TG: variants seen among roughly 807,000 people sequenced by gnomAD.
TG encodes the protein thyroid hormones.
Under a neutral mutation model 324.7 loss-of-function variants are expected in TG, and 270 were observed. The ratio of observed to expected loss-of-function variants is 0.83; its 90% CI spans 0.75 to 0.92. The LOEUF (loss-of-function observed/expected upper bound fraction) is 0.92. TG is among the 40% of genes least tolerant of loss of function. The pLI is 0.00. For synonymous variants in TG, 1,401 were observed against 1,327.0 expected (o/e 1.06, Z -1.21); for missense variants, 3,591 against 3,456.4 (o/e 1.04, Z -0.98).
At position 132,939,676 on chromosome 8, in the gene TG, GT is replaced by G. The variant is rs796871552; in HGVS notation, c.5042-1672del. On this transcript the variant is annotated intron_variant, in intron 25 of 47. Transcript: ENST00000220616. The stretch of plus-strand genomic sequence containing the variant: ...ATAGTCTATGGGGTTTTTTTTTTTT[GT>G]TTGTTTGTTTGTTTTTTAAGATGGA... Among the ~76,000 whole-genome samples the G allele has an allele frequency of 7.7e-4, 113 of 147,572 alleles. 2 individuals carry two copies. Among genetic ancestry groups the G allele is most frequent in the African/African-American group, 2.8e-3 (111 of 39,878 alleles).
At chr8:133,022,503 A>C (rs1265882539) in intron 40 of TG, among the ~76,000 whole-genome samples, 1 of 152,196 alleles carries the variant, frequency 6.6e-6, no homozygotes, top group East Asian at 1.9e-4. Flanking sequence ...CAGCAGGGCC[A>C]AGAATTGACT....
rs763257831 is a variant in TG at position 132,886,470 on chromosome 8, C to T, written c.1098C>T (p.Ser366=). ...CAGCTGAAGGCCAATCTTGTGCCTCCGAAAGGCAGCAGGCCTTGTCCAGAC... is the reference window on the plus strand; with the variant it reads ...CAGCTGAAGGCCAATCTTGTGCCTCTGAAAGGCAGCAGGCCTTGTCCAGAC... ...PSCAEGQSCA[S]ERQQALSRLY... is the part of the protein sequence containing the mutation. Residue 366 remains serine (S), a synonymous_variant, in exon 9 of 48, where the codon TCC becomes TCT. Transcript: ENST00000220616. 36 of 1,614,032 alleles carry T rather than the reference C, an allele frequency of 2.2e-5. No homozygotes were observed. The highest frequency in any genetic ancestry group is 6.7e-5 in the East Asian group (3 of 44,888).
chr8:133,050,620 G>GA, intron 41 of TG: 1 of 527,966 alleles, frequency 1.9e-6, no homozygotes, highest in Non-Finnish European at 3.4e-6. Context: ...CTACCAGGCA[G>GA]TGGGGAGCTA....
intron 35 of TG, among the ~76,000 whole-genome samples, chr8:132,997,309 A>G (rs1366468770): frequency 2.0e-5 from 3 of 152,182 alleles, no homozygotes; most frequent in African/African-American, 7.2e-5. Flanking sequence ...AGTTTTCAAC[A>G]TCCTGAGCTT....
chr8:133,060,065 A>T, intron 41 of TG: 1 of 1,548,776 alleles, frequency 6.5e-7, no homozygotes, highest in Non-Finnish European at 8.7e-7. Flanking sequence ...CTTGTAGCAC[A>T]GACTCAAGCA....
chr8:133,003,605 A>G (rs1833758715), intron 35 of TG, among the ~76,000 whole-genome samples: 1 of 152,170 alleles, frequency 6.6e-6, no homozygotes, highest in Non-Finnish European at 1.5e-5. Context: ...TTAAAAATAA[A>G]AATTAAGCTT....
At chr8:132,984,260 T>G (rs990877730) in intron 35 of TG, among the ~76,000 whole-genome samples, 1 of 152,224 alleles carries the variant, frequency 6.6e-6, no homozygotes, top group African/African-American at 2.4e-5. Flanking sequence ...ATATAGCTCA[T>G]GTAGGAGGAA....
intron 43 of TG, among the ~76,000 whole-genome samples, chr8:133,102,025 A>G (rs536444927): frequency 2.0e-4 from 31 of 152,348 alleles, no homozygotes; most frequent in African/African-American, 7.0e-4. Context: ...ATATCCTCAT[A>G]AAGATGTTCA....
At chr8:133,081,404 G>T (rs766659564) in intron 41 of TG, among the ~76,000 whole-genome samples, 2 of 152,190 alleles carry the variant, frequency 1.3e-5, no homozygotes, top group African/African-American at 2.4e-5. Context: ...AAACCATCTG[G>T]GGGGAGAGCA....
chr8:133,041,026 G>A (rs1838122381), intron 41 of TG, among the ~76,000 whole-genome samples: 1 of 152,190 alleles, frequency 6.6e-6, no homozygotes, highest in South Asian at 2.1e-4. Context: ...CTTCTCCCTA[G>A]CCCATGTTAT....
chr8:133,089,124 C>T (rs1042338638), intron 41 of TG, among the ~76,000 whole-genome samples: 2 of 152,140 alleles, frequency 1.3e-5, no homozygotes, highest in Admixed American at 6.5e-5. Context: ...CACACACTAC[C>T]CCTTTATCCT....
chr8:133,110,652 TTGAG>T (rs1323595281), intron 43 of TG, among the ~76,000 whole-genome samples: 1 of 152,204 alleles, frequency 6.6e-6, no homozygotes, highest in African/African-American at 2.4e-5. Flanking sequence ...ATGCCAGACT[TTGAG>T]TGAGGTGCTT....
At chr8:132,907,984 G>A (rs573722382) in intron 17 of TG, among the ~76,000 whole-genome samples, 31 of 152,206 alleles carry the variant, frequency 2.0e-4, no homozygotes, top group Non-Finnish European at 3.5e-4. Context: ...GCAGGACTGA[G>A]CTTTCTGTGA....
At position 133,098,997 on chromosome 8, in the gene TG, G is replaced by C. The variant is rs146699031; in HGVS notation, c.7572+2624G>C. Among the ~76,000 whole-genome samples, 1,349 of 152,322 alleles carry C rather than the reference G, an allele frequency of 8.9e-3. 27 individuals carry two copies. Among genetic ancestry groups the C allele is most frequent in the African/African-American group, 0.031 (1,299 of 41,554 alleles). ...CCAGAGGACTGGGATCTCTACTCAAGGATGCATTTGCATTCTTCTCATTGA... is the reference window on the plus strand; with the variant it reads ...CCAGAGGACTGGGATCTCTACTCAACGATGCATTTGCATTCTTCTCATTGA... On this transcript the variant is annotated intron_variant, in intron 43 of 47. Coordinates refer to ENST00000220616, the MANE Select transcript of TG (RefSeq NM_003235.5).
At chr8:132,973,143 G>T (rs1829757389) in intron 34 of TG, among the ~76,000 whole-genome samples, 1 of 152,226 alleles carries the variant, frequency 6.6e-6, no homozygotes, top group African/African-American at 2.4e-5. Flanking sequence ...GAGTGGGACA[G>T]CTTGACGGTC....
At chr8:132,977,002 A>C (rs898009366) in intron 34 of TG, among the ~76,000 whole-genome samples, 1 of 152,226 alleles carries the variant, frequency 6.6e-6, no homozygotes, top group African/African-American at 2.4e-5. Context: ...GTGGACCAGT[A>C]AGAAACCATC....
rs528498414 is a variant in TG, at chr8:132,886,933, C to G, written c.1561C>G (p.Pro521Ala). 3.8e-5 allele frequency: 61 copies of G among 1,614,156 alleles called. 2 individuals carry two copies. In the South Asian group the frequency reaches 6.5e-4, roughly 17 times the overall value. ...AGGGAGACAAGAAGATTTGGCCAAG[C>G]CACTCTCTGTGGGATTAGATTCAAA... is the stretch of plus-strand genomic sequence containing the variant. Reference protein sequence around the residue: ...NGGRQEDLAKPLSVGLDSNSS... With the variant: ...NGGRQEDLAKALSVGLDSNSS... Residue 521 changes from proline to alanine, a missense_variant, in exon 9 of 48, where the codon CCA becomes GCA. By Grantham distance (27) the Pro-to-Ala change is conservative. Coordinates refer to ENST00000220616, the MANE Select transcript of TG (RefSeq NM_003235.5).
intron 35 of TG, among the ~76,000 whole-genome samples, chr8:132,994,445 A>G (rs1001438144): frequency 2.0e-5 from 3 of 152,196 alleles, no homozygotes; most frequent in African/African-American, 7.2e-5. Flanking sequence ...GGGGCTCCTC[A>G]GGCCCTTCTA....
At chr8:133,087,071 T>TACACACACACAC (rs56028043) in intron 41 of TG, among the ~76,000 whole-genome samples, 28 of 143,046 alleles carry the variant, frequency 2.0e-4, no homozygotes, top group African/African-American at 7.4e-4. Flanking sequence ...AATATATGTT[T>TACACACACACAC]ACACACACAC....
Sources: allele counts gnomAD v4.1 joint callset (sites outside exome capture counted in the v4.1 genomes callset), GRCh38; gene constraint gnomAD v4.1.1; transcripts MANE v1.5; gene names NCBI Gene and HGNC (gene_info 2026-07-23, HGNC 2026-07-21).